Variants in ZNF418 observed in about 807,000 individuals in gnomAD.
ZNF418 encodes zinc finger protein 418.
A neutral mutation model predicts 32.0 loss-of-function variants in ZNF418; 32 were observed. The ratio of observed to expected loss-of-function variants is 1.00; its 90% confidence interval spans 0.75 to 1.34. ZNF418 has a LOEUF of 1.34. Ranked by LOEUF, ZNF418 falls within the 40% of genes most tolerant of loss-of-function variation. ZNF418 has a pLI of 0.00. For missense variants in ZNF418, 804 were observed against 812.5 expected (o/e 0.99, Z 0.13); for synonymous variants, 276 against 270.7 (o/e 1.02, Z -0.19).
At chr19:57,929,189 T>C (rs1013302126) in intron 3 of ZNF418, among the ~76,000 whole-genome samples, 4 of 151,968 alleles carry the variant, frequency 2.6e-5, no homozygotes, top group African/African-American at 9.7e-5. Context: ...AACTGACAAA[T>C]CTGATGCTCT....
At chr19:57,934,111 C>T in intron 1 of ZNF418, 2 of 1,375,328 alleles carry the variant, frequency 1.5e-6, no homozygotes, top group Non-Finnish European at 9.4e-7. Context: ...CTCCAGTGTT[C>T]TCAGATCAAA....
chr19:57,933,390 A>G (rs535916790), intron 2 of ZNF418, among the ~76,000 whole-genome samples: 1 of 151,410 alleles, frequency 6.6e-6, no homozygotes, highest in African/African-American at 2.4e-5. Flanking sequence ...CCATCTGGCT[A>G]ACACGGTGAA....
intron 4 of ZNF418, among the ~76,000 whole-genome samples, chr19:57,923,541 C>CATATACATACATGTATATACATATAT (rs1355882794): frequency 1.5e-5 from 1 of 68,128 alleles, no homozygotes; most frequent in African/African-American, 4.9e-5. Context: ...TATATACATA[C>CATATACATACATGTATATACATATAT]ACACACACAC....
At chr19:57,932,318 C>T in intron 2 of ZNF418, 1 of 965,806 alleles carries the variant, frequency 1.0e-6, no homozygotes, top group East Asian at 2.6e-5. Context: ...TACAGTATCA[C>T]CACACACCAA....
At chr19:57,932,444 G>A in intron 2 of ZNF418, 1 of 1,535,320 alleles carries the variant, frequency 6.5e-7, no homozygotes, top group Non-Finnish European at 8.7e-7. Flanking sequence ...GAATTCTCAT[G>A]GCTCCCAATA....
intron 2 of ZNF418, among the ~76,000 whole-genome samples, chr19:57,931,764 TG>T (rs11362620): frequency 0.25 from 38,508 of 151,996 alleles, 5,319 homozygotes; most frequent in Non-Finnish European, 0.31. Context: ...TTTTAAGAGA[TG>T]GGGTGTTGCT....
chr19:57,935,077 G>C (rs2072641523), intron 1 of ZNF418, 84 bp downstream of exon 1: 1 of 1,337,308 alleles, frequency 7.5e-7, no homozygotes, highest in African/African-American at 1.5e-5. Flanking sequence ...CCGGGCTGCA[G>C]ACCTGTGAAC....
At position 57,927,701 on chromosome 19, in the gene ZNF418, G is replaced by A. The variant is rs770701342; in HGVS notation, c.480C>T (p.Ile160=). 2 of 1,614,224 alleles carry A rather than the reference G, an allele frequency of 1.2e-6. No individual in the cohort carries two copies. The highest frequency in any genetic ancestry group is 1.7e-6 in the Non-Finnish European group (2 of 1,180,042). ...AAAAGTCCTTTCCACTCTGAATGAA[G>A]ATAGATGACTCCTCTGACACATGGA... is the stretch of plus-strand genomic sequence containing the variant. ...CKFHVSEESS[I]FIQSGKDFLP... The change falls in exon 4 of 6, where the codon ATC becomes ATT. Residue 160 remains isoleucine, a synonymous_variant. Transcript: ENST00000396147.
intron 2 of ZNF418, among the ~76,000 whole-genome samples, chr19:57,931,764 T>C (rs1034522160): frequency 4.6e-5 from 7 of 151,930 alleles, no homozygotes; most frequent in African/African-American, 1.7e-4. Context: ...TTTTAAGAGA[T>C]GGGGTGTTGC....
At chr19:57,928,124 A>G (rs755449264) in intron 3 of ZNF418, 77 bp from the exon 4 acceptor site, 13 of 1,240,500 alleles carry the variant, frequency 1.0e-5, no homozygotes, top group Non-Finnish European at 1.5e-5. Flanking sequence ...CGTGTCTGAC[A>G]AACCAAGGAA....
intron 1 of ZNF418, 155 bp downstream of exon 1, chr19:57,935,006 T>A: frequency 7.0e-7 from 1 of 1,426,598 alleles, no homozygotes; most frequent in Middle Eastern, 1.9e-4. Context: ...CCCCACCGCA[T>A]CCCACAGGTG....
chr19:57,927,125 A>G lies in ZNF418; in HGVS notation c.1056T>C (p.Thr352=). The change falls in exon 4 of 6, where the codon ACT becomes ACC. Residue 352 remains threonine, a synonymous_variant. Coordinates refer to ENST00000396147, the MANE Select transcript of ZNF418 (RefSeq NM_133460.3). Reference sequence around the variant, plus strand: ...GATGTTGAATGAGATTGCCCTTCTGAGTAAAACATTTCCCACATTCTTCAC... The same window carrying G: ...GATGTTGAATGAGATTGCCCTTCTGGGTAAAACATTTCCCACATTCTTCAC... ...YECEECGKCF[T]QKGNLIQHQR... is the part of the protein sequence containing the mutation. 6.2e-7 allele frequency: 1 copy of G among 1,613,952 alleles called. No homozygotes were observed. Among genetic ancestry groups the G allele is most frequent in the Non-Finnish European group, 8.5e-7 (1 of 1,179,956 alleles).
At chr19:57,930,794 C>T (rs34647569) in intron 2 of ZNF418, among the ~76,000 whole-genome samples, 110,395 of 151,984 alleles carry the variant, frequency 0.73, 41,448 homozygotes, top group African/African-American at 0.93. Flanking sequence ...TTTTGTTTTT[C>T]TGAGACAGAG....
chr19:57,923,970 T>C (rs1239450131), intron 4 of ZNF418, among the ~76,000 whole-genome samples: 2 of 151,716 alleles, frequency 1.3e-5, no homozygotes, highest in Non-Finnish European at 2.9e-5. Context: ...TATTATGGCT[T>C]TAAAGAATTG....
chr19:57,932,713 G>T, intron 2 of ZNF418: 1 of 1,159,140 alleles, frequency 8.6e-7, no homozygotes, highest in Non-Finnish European at 1.1e-6. Context: ...TCCACCCCAG[G>T]CCCAATGTCT....
At position 57,926,009 on chromosome 19, in the gene ZNF418, G is replaced by A. The variant is rs1198603217; in HGVS notation, c.*141C>T. On this transcript the variant is annotated 3_prime_UTR_variant, in exon 4 of 6. Transcript: ENST00000396147. ...CTCAAGAGGCCCTTCTGCAGTGGGA[G>A]CTCTTCTGTATGTAATAAAACAAGA... The A allele has an allele frequency of 1.5e-6, 1 of 684,822 alleles. No homozygotes were observed. Among genetic ancestry groups the A allele is most frequent in the Non-Finnish European group, 2.4e-6 (1 of 413,096 alleles). 42.4% of individuals were successfully genotyped at this position (684,822 alleles called of 1,614,324 possible). A position where few individuals can be genotyped will look rare whatever the true frequency, so the allele number is the denominator to read the frequency against.
Position 57,927,119 on chromosome 19 carries a change from C to T in ZNF418, c.1062G>A (p.Lys354=). Residue 354 remains lysine (K), a synonymous_variant, in exon 4 of 6, where the codon AAG becomes AAA. Coordinates refer to ENST00000396147, the MANE Select transcript of ZNF418 (RefSeq NM_133460.3). ...CTCGTTGATGTTGAATGAGATTGCC[C>T]TTCTGAGTAAAACATTTCCCACATT... is the stretch of plus-strand genomic sequence containing the variant. ...CEECGKCFTQ[K]GNLIQHQRGH... is the part of the protein sequence containing the mutation. 1.2e-6 allele frequency: 2 copies of T among 1,614,036 alleles called. No homozygotes were observed. The highest frequency in any genetic ancestry group is 2.2e-5 in the East Asian group (1 of 44,874).
chr19:57,922,073 T>G lies in ZNF418; in HGVS notation c.*1182A>C, dbSNP rs563911083. 1 of 152,464 alleles carries G rather than the reference T, an allele frequency of 6.6e-6. No homozygotes were observed. The highest frequency in any genetic ancestry group is 1.5e-5 in the Non-Finnish European group (1 of 68,230). The allele number at this position is 152,464 out of a possible 1,614,324, so 9.4% of individuals were successfully genotyped here. A position where few individuals can be genotyped will look rare whatever the true frequency, so the allele number is the denominator to read the frequency against. ...GGCCAGGGGTTCAGAAACCTCCAGG[T>G]TGGCCACTCCTGGATTTCTTCGTTT... On this transcript the variant is annotated 3_prime_UTR_variant, in exon 6 of 6. Coordinates refer to ENST00000396147, the MANE Select transcript of ZNF418 (RefSeq NM_133460.3).
In ZNF418 at chr19:57,926,686, C is replaced by T. The variant is rs200769352; in HGVS notation, c.1495G>A (p.Val499Ile). ...TCTCCAGTGTGAACTCTCTGATGAA[C>T]ACGAAACCCAGAGCTGTCTTGAAAT... Reference protein sequence around the residue: ...KSFQDSSGFRVHQRVHTGEKP... With the variant: ...KSFQDSSGFRIHQRVHTGEKP... The change falls in exon 4 of 6, where the codon GTT becomes ATT. Residue 499 changes from valine to isoleucine, a missense_variant. Physicochemically the swap from Val to Ile is conservative, Grantham distance 29. Coordinates refer to ENST00000396147, the MANE Select transcript of ZNF418 (RefSeq NM_133460.3). 91 of 1,613,700 alleles carry T rather than the reference C, an allele frequency of 5.6e-5. No individual in the cohort carries two copies. The highest frequency in any genetic ancestry group is 1.5e-4 in the Admixed American group (9 of 59,996).
Sources: gnomAD v4.1 joint callset for allele counts (sites outside exome capture counted in the v4.1 genomes callset) on GRCh38, gnomAD v4.1.1 for gene constraint, MANE v1.5 for transcripts, NCBI Gene and HGNC (gene_info 2026-07-23, HGNC 2026-07-21) for gene names.